The following CUL4A variants were observed in gnomAD, a reference collection of about 807,000 sequenced individuals.
CUL4A encodes cullin-4A.
In CUL4A, 16 loss-of-function variants were observed where a neutral mutation model predicts 95.5. The ratio of observed to expected loss-of-function variants is 0.17; its 90% confidence interval spans 0.11 to 0.25. The LOEUF (loss-of-function observed/expected upper bound fraction) is 0.25, where lower values mean the gene tolerates loss of function less well. CUL4A is among the 10% of genes least tolerant of loss of function. The pLI is 1.00. For missense variants in CUL4A, 610 were observed against 937.0 expected (o/e 0.65, Z 4.56); for synonymous variants, 380 against 353.1 (o/e 1.08, Z -0.85).
chr13:113,249,729 C>T (rs182630629), intron 15 of CUL4A, among the ~76,000 whole-genome samples: 28 of 152,234 alleles, frequency 1.8e-4, no homozygotes, highest in African/African-American at 5.5e-4. Context: ...TTAGCAATCA[C>T]GAGAGCTTCC....
intron 16 of CUL4A, 87 bp downstream of exon 16, chr13:113,253,282 A>C (rs2042040527): frequency 3.4e-6 from 2 of 589,380 alleles, no homozygotes; most frequent in African/African-American, 3.9e-5. Context: ...GTAGCAAAAA[A>C]GGAGTGTTTC....
intron 15 of CUL4A, among the ~76,000 whole-genome samples, chr13:113,247,823 C>T (rs2041894553): frequency 6.6e-6 from 1 of 152,316 alleles, no homozygotes; most frequent in Non-Finnish European, 1.5e-5. Flanking sequence ...AGAACATAAG[C>T]ACCTGTCAAA....
At chr13:113,208,470 C>G, upstream of CUL4A, 1 of 1,531,496 alleles carries the variant, frequency 6.5e-7, no homozygotes, top group Non-Finnish European at 8.8e-7. Flanking sequence ...GGCTGCCCGC[C>G]GGGGACCCGA....
At chr13:113,253,793 G>A (rs1188409984) in intron 16 of CUL4A, among the ~76,000 whole-genome samples, 1 of 152,150 alleles carries the variant, frequency 6.6e-6, no homozygotes, top group East Asian at 1.9e-4. Context: ...TAAGAGGGGA[G>A]AATGCATACA....
At position 113,246,020 on chromosome 13, in the gene CUL4A, A is replaced by G; in HGVS notation, c.1595A>G (p.Tyr532Cys). 4.3e-6 allele frequency: 7 copies of G among 1,613,972 alleles called. No homozygotes were observed. Among genetic ancestry groups the G allele is most frequent in the Non-Finnish European group, 5.9e-6 (7 of 1,180,028 alleles). The change falls in exon 15 of 20, where the codon TAC becomes TGC. Residue 532 changes from tyrosine to cysteine, a missense_variant. Physicochemically the swap from Tyr to Cys is radical, Grantham distance 194. Transcript: ENST00000375440. The part of the protein sequence containing the change: ...DLTVNILTMG[Y>C]WPTYTPMEVH... ...ACAGTGAACATACTCACAATGGGCT[A>G]CTGGCCAACATACACGCCCATGGAA... is the stretch of plus-strand genomic sequence containing the variant.
chr13:113,227,621 A>G (rs1216909028), intron 3 of CUL4A, among the ~76,000 whole-genome samples: 1 of 152,202 alleles, frequency 6.6e-6, no homozygotes, highest in Non-Finnish European at 1.5e-5. Flanking sequence ...AAATTGTAAT[A>G]ATGGCCGGTT....
At chr13:113,220,608 C>T (rs1437711515) in intron 3 of CUL4A, among the ~76,000 whole-genome samples, 3 of 152,168 alleles carry the variant, frequency 2.0e-5, no homozygotes, top group Non-Finnish European at 4.4e-5. Context: ...AAGACTTAGG[C>T]GTTTATGAGA....
chr13:113,260,443 G>A (rs972154139), intron 18 of CUL4A, among the ~76,000 whole-genome samples, 164 bp from the exon 19 acceptor site: 9 of 151,668 alleles, frequency 5.9e-5, no homozygotes, highest in Non-Finnish European at 1.2e-4. Context: ...CCAGCTACTC[G>A]GGAGGCTGAG....
Position 113,263,624 on chromosome 13 carries a change from A to C in CUL4A, c.*42A>C. 7.8e-7 allele frequency: 1 copy of C among 1,275,648 alleles called. No individual in the cohort carries two copies. Among genetic ancestry groups the C allele is most frequent in the Non-Finnish European group, 1.1e-6 (1 of 895,434 alleles). The allele number at this position is 1,275,648 out of a possible 1,614,324, so 79.0% of individuals were successfully genotyped here. On this transcript the variant is annotated 3_prime_UTR_variant, in exon 20 of 20. Coordinates refer to ENST00000375440, the MANE Select transcript of CUL4A (RefSeq NM_001008895.4). ...TCCCCTTCATGAAACACTAGAATGT[A>C]CCCTCAGAGCAGGAAGCACACCTGT...
At chr13:113,208,366 C>T (rs2040104880), upstream of CUL4A, 1 of 1,432,872 alleles carries the variant, frequency 7.0e-7, no homozygotes. Flanking sequence ...GACGACTCCG[C>T]GATCCACGGA....
intron 2 of CUL4A, among the ~76,000 whole-genome samples, chr13:113,216,350 A>G (rs1170864916): frequency 6.6e-6 from 1 of 152,254 alleles, no homozygotes; most frequent in African/African-American, 2.4e-5. Context: ...CACTATAAAT[A>G]GACGTGTATT....
At position 113,266,785 on chromosome 13, in the gene CUL4A, A is replaced by C. The variant is rs910308458; in HGVS notation, c.*3203A>C. ...AAAGTTGGATTAGACTCCTTTTTAT[A>C]CTAAGGGAAGTTCCAAGTGGTCAAG... is the stretch of plus-strand genomic sequence containing the variant. On this transcript the variant is annotated 3_prime_UTR_variant, in exon 20 of 20. Transcript: ENST00000375440. 1 of 152,230 alleles carries C rather than the reference A, an allele frequency of 6.6e-6. No homozygotes were observed. The highest frequency in any genetic ancestry group is 1.5e-5 in the Non-Finnish European group (1 of 68,034). 9.4% of individuals were successfully genotyped at this position (152,230 alleles called of 1,614,324 possible). A position where few individuals can be genotyped will look rare whatever the true frequency, so the allele number is the denominator to read the frequency against.
chr13:113,266,988 T>G lies in CUL4A; in HGVS notation c.*3406T>G, dbSNP rs2012144465. 1 of 152,180 alleles carries G rather than the reference T, an allele frequency of 6.6e-6. No homozygotes were observed. Among genetic ancestry groups the G allele is most frequent in the African/African-American group, 2.4e-5 (1 of 41,440 alleles). 9.4% of individuals were successfully genotyped at this position (152,180 alleles called of 1,614,324 possible). ...CCTCAAATACTTAACATTTTTGTAG[T>G]GAGAACATCTGAAATTTACTCTTAG... is the stretch of plus-strand genomic sequence containing the variant. On this transcript the variant is annotated 3_prime_UTR_variant, in exon 20 of 20. Transcript: ENST00000375440.
At chr13:113,252,696 C>T (rs2042025208) in intron 15 of CUL4A, among the ~76,000 whole-genome samples, 1 of 152,232 alleles carries the variant, frequency 6.6e-6, no homozygotes, top group African/African-American at 2.4e-5. Flanking sequence ...GAGCCCCGCT[C>T]ATTGCCGGGA....
intron 3 of CUL4A, among the ~76,000 whole-genome samples, chr13:113,227,697 A>G (rs1315632960): frequency 6.6e-6 from 1 of 152,162 alleles, no homozygotes; most frequent in Non-Finnish European, 1.5e-5. Context: ...CAAGGTCAGG[A>G]GTTCGAGATC....
chr13:113,262,794 TGCTG>T, intron 19 of CUL4A: 1 of 151,920 alleles, frequency 6.6e-6, no homozygotes, highest in African/African-American at 2.4e-5. Flanking sequence ...TACGTGCCCT[TGCTG>T]ATGGCAGATG....
chr13:113,245,838 GA>G, intron 14 of CUL4A, 117 bp from the exon 15 acceptor site: 1 of 781,970 alleles, frequency 1.3e-6, no homozygotes. Flanking sequence ...TCTGGGGACT[GA>G]GATAAATTCT....
At chr13:113,253,581 A>G (rs2042047879) in intron 16 of CUL4A, among the ~76,000 whole-genome samples, 1 of 152,254 alleles carries the variant, frequency 6.6e-6, no homozygotes, top group African/African-American at 2.4e-5. Flanking sequence ...AAAAATTAAA[A>G]AAAACAGACT....
At position 113,236,888 on chromosome 13, in the gene CUL4A, A is replaced by G. The variant is rs760942639; in HGVS notation, c.914A>G (p.Lys305Arg). ...GAACATTTAACAGCAATTCTGCAGA[A>G]AGGTAGATTTCCTAACTCTTGTGCA... ...LGEHLTAILQ[K>R]GLDHLLDENR... Residue 305 changes from lysine (K) to arginine (R), a missense_variant and splice_region_variant, in exon 9 of 20, where the codon AAA becomes AGA. Physicochemically the swap from Lys to Arg is conservative, Grantham distance 26. Transcript: ENST00000375440. 3.1e-6 allele frequency: 5 copies of G among 1,607,580 alleles called. No individual in the cohort carries two copies. Among genetic ancestry groups the G allele is most frequent in the Middle Eastern group, 1.7e-4 (1 of 6,036 alleles).
Sources: allele counts gnomAD v4.1 joint callset (sites outside exome capture counted in the v4.1 genomes callset), GRCh38; gene constraint gnomAD v4.1.1; transcripts MANE v1.5; gene names NCBI Gene and HGNC (gene_info 2026-07-23, HGNC 2026-07-21).